ZMYND11: variants seen among roughly 807,000 people sequenced by gnomAD.
The protein encoded by ZMYND11 is zinc finger MYND domain-containing protein 11.
Under a neutral mutation model 84.9 loss-of-function variants are expected in ZMYND11, and 9 were observed. That is an observed-to-expected ratio of 0.11 (90% CI 0.06 to 0.18). The LOEUF is 0.18. Ranked by LOEUF, ZMYND11 falls within the 10% of genes least tolerant of loss-of-function variation. The pLI, the probability that ZMYND11 is intolerant of heterozygous loss-of-function variation, is 1.00. For synonymous variants in ZMYND11, 250 were observed against 244.1 expected (o/e 1.02, Z -0.23); for missense variants, 409 against 761.0 (o/e 0.54, Z 5.44).
At chr10:174,465 C>T (rs1021481830) in intron 1 of ZMYND11, among the ~76,000 whole-genome samples, 3 of 151,750 alleles carry the variant, frequency 2.0e-5, no homozygotes, top group Non-Finnish European at 2.9e-5. Context: ...TGGGCACTAC[C>T]GTGGCACATG....
At chr10:132,097 T>G (rs1399490609), upstream of ZMYND11, among the ~76,000 whole-genome samples, 3 of 151,956 alleles carry the variant, frequency 2.0e-5, no homozygotes, top group African/African-American at 7.2e-5. Context: ...CATCAATATC[T>G]AATACTAAAG....
chr10:215,408 C>T (rs374457300), intron 3 of ZMYND11, among the ~76,000 whole-genome samples: 4 of 152,124 alleles, frequency 2.6e-5, no homozygotes, highest in African/African-American at 9.7e-5. Context: ...CAGTTAATGC[C>T]AGGACAAAAA....
intron 3 of ZMYND11, among the ~76,000 whole-genome samples, chr10:213,621 T>C (rs1024967769): frequency 6.6e-6 from 1 of 152,182 alleles, no homozygotes; most frequent in Admixed American, 6.6e-5. Context: ...CCTTCTGTTA[T>C]CTCTAAAAAT....
chr10:241,960 T>C (rs767617434), intron 9 of ZMYND11, 61 bp from the exon 10 acceptor site: 2 of 1,560,714 alleles, frequency 1.3e-6, no homozygotes, highest in Non-Finnish European at 1.8e-6. Context: ...TTAATATTAA[T>C]GGTACACTTG....
At chr10:222,579 A>G (rs553138644) in intron 4 of ZMYND11, among the ~76,000 whole-genome samples, 1 of 152,316 alleles carries the variant, frequency 6.6e-6, no homozygotes, top group East Asian at 1.9e-4. Flanking sequence ...AATTTGGAGC[A>G]AAGGAGCTGT....
chr10:139,765 G>C (rs1450942389), intron 1 of ZMYND11, among the ~76,000 whole-genome samples: 1 of 134,266 alleles, frequency 7.4e-6, no homozygotes, highest in African/African-American at 2.8e-5. Context: ...AGGCTGGAGT[G>C]CAGTGGTGCC....
At chr10:149,998 G>A (rs1554756513) in intron 1 of ZMYND11, among the ~76,000 whole-genome samples, 1 of 152,190 alleles carries the variant, frequency 6.6e-6, no homozygotes. Flanking sequence ...TCGATGTGCT[G>A]CTGGATTCGG....
chr10:195,414 G>A (rs1045887651), intron 2 of ZMYND11, among the ~76,000 whole-genome samples: 1 of 152,076 alleles, frequency 6.6e-6, no homozygotes, highest in Non-Finnish European at 1.5e-5. Flanking sequence ...AAAAAATTAG[G>A]CTGGTGCCAC....
In ZMYND11 at chr10:186,642, C is replaced by CA. The variant is rs56345833; in HGVS notation, c.116+6551dup. ...ACTGGGGAACAGAGCAGGACTCTCTCAAAAAAAAAAAAAAAAAAAAAAAAA... is the reference window on the plus strand; with the variant it reads ...ACTGGGGAACAGAGCAGGACTCTCTCAAAAAAAAAAAAAAAAAAAAAAAAAA... On this transcript the variant is annotated intron_variant, in intron 2 of 14. Coordinates refer to ENST00000381604, the MANE Select transcript of ZMYND11 (RefSeq NM_001370100.5). Among the ~76,000 whole-genome samples the CA allele has an allele frequency of 1.2e-3, 114 of 95,144 alleles. 4 individuals are homozygous for CA. Among genetic ancestry groups the CA allele is most frequent in the African/African-American group, 2.1e-3 (52 of 24,974 alleles). 62.4% of individuals were successfully genotyped at this position (95,144 alleles called of 152,430 possible). A position where few individuals can be genotyped will look rare whatever the true frequency, so the allele number is the denominator to read the frequency against.
chr10:244,217 A>ATTATTTAAGCAACTTAT (rs1274080621), intron 10 of ZMYND11, among the ~76,000 whole-genome samples: 1 of 152,198 alleles, frequency 6.6e-6, no homozygotes, highest in Non-Finnish European at 1.5e-5. Context: ...TGAATTTTTA[A>ATTATTTAAGCAACTTAT]TTATTTAAGC....
At chr10:157,538 A>G (rs375784938) in intron 1 of ZMYND11, among the ~76,000 whole-genome samples, 13 of 152,162 alleles carry the variant, frequency 8.5e-5, no homozygotes, top group Non-Finnish European at 5.9e-5. Context: ...AACAGTAATG[A>G]CAATGAAAGC....
rs1350287519 is a variant in ZMYND11, at chr10:248,224, T to TCA, written c.1228-112_1228-111insCA. 9.4e-5 allele frequency: 129 copies of TCA among 1,374,338 alleles called. 1 individual carries two copies. The highest frequency in any genetic ancestry group is 1.3e-4 in the Non-Finnish European group (128 of 1,012,942). The allele number at this position is 1,374,338 out of a possible 1,614,324, so 85.1% of individuals were successfully genotyped here. On this transcript the variant is annotated intron_variant, in intron 12 of 14. Coordinates refer to ENST00000381604, the MANE Select transcript of ZMYND11 (RefSeq NM_001370100.5). ...CCTAACTACATTTTTCAACAGCAGT[T>TCA]TATTCTATGGCTATTATGTATATCA...
At chr10:244,331 A>G (rs1392979837) in intron 10 of ZMYND11, 3 of 139,754 alleles carry the variant, frequency 2.1e-5, no homozygotes, top group African/African-American at 5.4e-5. Flanking sequence ...AAATGGGAGG[A>G]AAAAAAATGA....
At chr10:237,256 A>G (rs1046695693) in intron 5 of ZMYND11, among the ~76,000 whole-genome samples, 3 of 152,238 alleles carry the variant, frequency 2.0e-5, no homozygotes, top group Non-Finnish European at 4.4e-5. Flanking sequence ...TTCTATCACA[A>G]CTTTAAGGAA....
At chr10:165,038 G>A (rs781927948) in intron 1 of ZMYND11, among the ~76,000 whole-genome samples, 15 of 151,786 alleles carry the variant, frequency 9.9e-5, no homozygotes, top group Admixed American at 2.0e-4. Context: ...GTCTCTTTCC[G>A]GCTACTTTTC....
intron 4 of ZMYND11, among the ~76,000 whole-genome samples, chr10:232,555 CTG>C (rs1210306166): frequency 6.6e-6 from 1 of 152,214 alleles, no homozygotes; most frequent in Non-Finnish European, 1.5e-5. Context: ...GGAGCAGCTT[CTG>C]TCGGCCTCTG....
At position 159,116 on chromosome 10, in the gene ZMYND11, C is replaced by CT. The variant is rs1179359339; in HGVS notation, c.-19-20865dup. 1.6e-4 allele frequency among the ~76,000 whole-genome samples: 21 copies of CT among 132,322 alleles called. No homozygotes were observed. The East Asian group carries it at 2.9e-3, about 19-fold the overall frequency. 86.8% of individuals were successfully genotyped at this position (132,322 alleles called of 152,430 possible). ...TTAGTTGCATTTTGACATGATCCCT[C>CT]TTTTTTTTTTTTTCTTAATAGCTGA... is the stretch of plus-strand genomic sequence containing the variant. On this transcript the variant is annotated intron_variant, in intron 1 of 14. Coordinates refer to ENST00000381604, the MANE Select transcript of ZMYND11 (RefSeq NM_001370100.5).
intron 1 of ZMYND11, among the ~76,000 whole-genome samples, chr10:136,041 A>AG (rs1835946450): frequency 1.3e-5 from 2 of 151,528 alleles, no homozygotes; most frequent in Non-Finnish European, 3.0e-5. Context: ...GTCGTGTGCT[A>AG]GCCCGGGAGC....
At chr10:195,326 A>T (rs2130980235) in intron 2 of ZMYND11, among the ~76,000 whole-genome samples, 1 of 152,366 alleles carries the variant, frequency 6.6e-6, no homozygotes, top group African/African-American at 2.4e-5. Context: ...AGAACGAATA[A>T]TGAGCAAAGA....
Sources: gnomAD v4.1 joint callset for allele counts (sites outside exome capture counted in the v4.1 genomes callset) on GRCh38, gnomAD v4.1.1 for gene constraint, MANE v1.5 for transcripts, NCBI Gene and HGNC (gene_info 2026-07-23, HGNC 2026-07-21) for gene names.